Variants in TDRD7 observed in about 807,000 individuals in gnomAD.
TDRD7 encodes the protein tudor domain-containing protein 7.
A neutral mutation model predicts 109.8 loss-of-function variants in TDRD7; 47 were observed. That is an observed-to-expected ratio of 0.43 (90% CI 0.34 to 0.55). The LOEUF (loss-of-function observed/expected upper bound fraction) is 0.55, where lower values mean the gene tolerates loss of function less well. Ranked by LOEUF, TDRD7 falls within the 20% of genes least tolerant of loss-of-function variation. The pLI is 0.03. For synonymous variants in TDRD7, 424 were observed against 457.3 expected (o/e 0.93, Z 0.93); for missense variants, 1,164 against 1,319.2 (o/e 0.88, Z 1.82).
intron 16 of TDRD7, among the ~76,000 whole-genome samples, chr9:97,490,909 CTT>C (rs1174656625): frequency 2.3e-4 from 18 of 77,658 alleles, no homozygotes; most frequent in African/African-American, 9.5e-4. Context: ...CTTTTCTTTT[CTT>C]TTTTTTTTTT....
chr9:97,485,877 G>A (rs530159952), intron 15 of TDRD7, among the ~76,000 whole-genome samples: 1 of 152,250 alleles, frequency 6.6e-6, no homozygotes, highest in East Asian at 1.9e-4. Context: ...TATCCTTTCT[G>A]TGTCCCAGTT....
At chr9:97,433,954 A>G (rs967465746) in intron 4 of TDRD7, among the ~76,000 whole-genome samples, 22 of 152,150 alleles carry the variant, frequency 1.4e-4, no homozygotes, top group African/African-American at 4.1e-4. Flanking sequence ...GGAAAACGGT[A>G]TGGAGATTTC....
chr9:97,452,557 A>C (rs796717861), intron 6 of TDRD7, among the ~76,000 whole-genome samples: 4 of 152,232 alleles, frequency 2.6e-5, no homozygotes, highest in Non-Finnish European at 4.4e-5. Flanking sequence ...ATCTACTTTA[A>C]ACAATAAGAA....
intron 1 of TDRD7, among the ~76,000 whole-genome samples, chr9:97,414,772 A>G (rs907037374): frequency 1.3e-4 from 20 of 152,232 alleles, no homozygotes; most frequent in African/African-American, 4.8e-4. Flanking sequence ...TTTCCTTTAA[A>G]AACCGGTTGG....
At chr9:97,449,246 A>G (rs1587872219) in intron 6 of TDRD7, among the ~76,000 whole-genome samples, 1 of 152,194 alleles carries the variant, frequency 6.6e-6, no homozygotes. Context: ...TTTTCCCCAG[A>G]AACCAAGCAG....
intron 3 of TDRD7, among the ~76,000 whole-genome samples, 171 bp downstream of exon 3, chr9:97,431,245 C>T (rs1050852071): frequency 1.3e-5 from 2 of 152,156 alleles, no homozygotes; most frequent in Non-Finnish European, 2.9e-5. Context: ...TAAGTGAATG[C>T]GCTGAGCATG....
At chr9:97,438,317 C>T (rs1213475479) in intron 4 of TDRD7, among the ~76,000 whole-genome samples, 4 of 152,138 alleles carry the variant, frequency 2.6e-5, no homozygotes, top group African/African-American at 7.2e-5. Context: ...AAATGTGCTT[C>T]ATTTCAAGGA....
chr9:97,429,292 A>G (rs1416620995), intron 2 of TDRD7, among the ~76,000 whole-genome samples: 3 of 152,126 alleles, frequency 2.0e-5, no homozygotes, highest in Admixed American at 2.0e-4. Context: ...TTGATCTGTC[A>G]TTGCTCTTCC....
intron 1 of TDRD7, among the ~76,000 whole-genome samples, chr9:97,416,281 G>A (rs564153154): frequency 1.5e-4 from 23 of 152,312 alleles, no homozygotes; most frequent in Middle Eastern, 3.4e-3. Context: ...GTGGTCAAGC[G>A]TTGATTCTCA....
intron 12 of TDRD7, among the ~76,000 whole-genome samples, chr9:97,476,685 G>A (rs1829027956): frequency 6.6e-6 from 1 of 151,564 alleles, no homozygotes; most frequent in Non-Finnish European, 1.5e-5. Context: ...AACTTTCAGG[G>A]GGGTCCCTCA....
intron 4 of TDRD7, among the ~76,000 whole-genome samples, chr9:97,437,237 G>C (rs1441630482): frequency 1.3e-5 from 2 of 152,198 alleles, no homozygotes; most frequent in African/African-American, 2.4e-5. Context: ...TCATGAGGCT[G>C]CTGTCAAGGT....
intron 6 of TDRD7, among the ~76,000 whole-genome samples, chr9:97,450,940 T>C (rs551612178): frequency 6.6e-6 from 1 of 151,684 alleles, no homozygotes; most frequent in African/African-American, 2.4e-5. Context: ...GAGTGATGAC[T>C]GGCAACCCCT....
intron 15 of TDRD7, among the ~76,000 whole-genome samples, chr9:97,484,969 C>T (rs1426372097): frequency 6.6e-6 from 1 of 152,178 alleles, no homozygotes; most frequent in Non-Finnish European, 1.5e-5. Flanking sequence ...AACCATTCTG[C>T]CCCAGGACTC....
intron 16 of TDRD7, among the ~76,000 whole-genome samples, chr9:97,494,707 TA>T (rs1564219897): frequency 1.3e-4 from 12 of 94,672 alleles, no homozygotes; most frequent in Admixed American, 4.9e-4. Context: ...TATATATATA[TA>T]TATATTTTTT....
chr9:97,435,400 C>G (rs566710613), intron 4 of TDRD7, among the ~76,000 whole-genome samples: 48 of 151,162 alleles, frequency 3.2e-4, no homozygotes, highest in South Asian at 2.9e-3. Flanking sequence ...GAGGCTGACG[C>G]AGGAGGATCT....
chr9:97,445,986 G>A (rs1174599781), intron 6 of TDRD7, among the ~76,000 whole-genome samples: 1 of 152,110 alleles, frequency 6.6e-6, no homozygotes, highest in Non-Finnish European at 1.5e-5. Flanking sequence ...AAAAAAATTA[G>A]CTGGGCATGG....
At chr9:97,481,792 T>C (rs1379372741) in intron 14 of TDRD7, among the ~76,000 whole-genome samples, 1 of 152,242 alleles carries the variant, frequency 6.6e-6, no homozygotes, top group Non-Finnish European at 1.5e-5. Context: ...TGTTAATTTT[T>C]AAAACTGTAC....
intron 12 of TDRD7, among the ~76,000 whole-genome samples, chr9:97,476,406 T>C (rs1050817590): frequency 6.6e-6 from 1 of 152,084 alleles, no homozygotes; most frequent in African/African-American, 2.4e-5. Flanking sequence ...TTTTGGATTT[T>C]TGTGATTGCT....
At chr9:97,418,522 A>G (rs1195868423) in intron 1 of TDRD7, among the ~76,000 whole-genome samples, 1 of 151,730 alleles carries the variant, frequency 6.6e-6, no homozygotes, top group Non-Finnish European at 1.5e-5. Flanking sequence ...GGAAGACTCT[A>G]CCTGAATGCC....
Sources: allele counts gnomAD v4.1 joint callset (sites outside exome capture counted in the v4.1 genomes callset), GRCh38; gene constraint gnomAD v4.1.1; transcripts MANE v1.5; gene names NCBI Gene and HGNC (gene_info 2026-07-23, HGNC 2026-07-21).